TCF4: variants seen among roughly 807,000 people sequenced by gnomAD.
TCF4 encodes transcription factor 4, also known as SL3-3 enhancer factor 2.
A neutral mutation model predicts 82.1 loss-of-function variants in TCF4; 3 were observed. The ratio of observed to expected loss-of-function variants is 0.04; its 90% CI spans 0.02 to 0.09. The LOEUF is 0.09. TCF4 is among the 10% of genes least tolerant of loss of function. TCF4 has a pLI of 1.00. For synonymous variants in TCF4, 276 were observed against 309.6 expected, an observed-to-expected ratio of 0.89 and a Z score of 1.14; for missense variants, 518 against 852.7, an observed-to-expected ratio of 0.61 and a Z score of 4.89.
chr18:55,395,497 C>T (rs193160165), intron 6 of TCF4, among the ~76,000 whole-genome samples: 211 of 152,294 alleles, frequency 1.4e-3, no homozygotes, highest in African/African-American at 4.7e-3. Context: ...ATTTCAATGG[C>T]TTTTTATGCA....
At chr18:55,423,390 GCA>G (rs2094847109) in intron 5 of TCF4, 1 of 148,288 alleles carries the variant, frequency 6.7e-6, no homozygotes, top group African/African-American at 2.5e-5. Context: ...AAAACTCCAC[GCA>G]CACACGCGTG....
chr18:55,244,471 T>C (rs13381800), intron 15 of TCF4, among the ~76,000 whole-genome samples: 35,686 of 152,102 alleles, frequency 0.23, 4,494 homozygotes, highest in East Asian at 0.32. Context: ...AATTATTCAC[T>C]TGAGGGCTGG....
At chr18:55,388,999 G>A (rs748884698) in intron 6 of TCF4, among the ~76,000 whole-genome samples, 9 of 151,886 alleles carry the variant, frequency 5.9e-5, no homozygotes, top group Non-Finnish European at 1.2e-4. Flanking sequence ...GGTGGTGGGC[G>A]CCTGTGGTCC....
At chr18:55,482,558 T>C (rs2096454606) in intron 3 of TCF4, among the ~76,000 whole-genome samples, 1 of 152,184 alleles carries the variant, frequency 6.6e-6, no homozygotes, top group Non-Finnish European at 1.5e-5. Flanking sequence ...ATATTAATAG[T>C]GTACAGTGTA....
intron 3 of TCF4, among the ~76,000 whole-genome samples, chr18:55,576,927 C>T (rs1221331984): frequency 1.3e-5 from 2 of 151,680 alleles, no homozygotes; most frequent in African/African-American, 4.8e-5. Flanking sequence ...GATTCTTCTT[C>T]TTCCAGTGTA....
intron 5 of TCF4, among the ~76,000 whole-genome samples, chr18:55,441,707 T>C (rs577250107): frequency 6.6e-6 from 1 of 152,318 alleles, no homozygotes; most frequent in South Asian, 2.1e-4. Flanking sequence ...AAGTAACATA[T>C]GTATTACATA....
chr18:55,312,850 T>G (rs192755233), intron 8 of TCF4, among the ~76,000 whole-genome samples: 1 of 151,642 alleles, frequency 6.6e-6, no homozygotes, highest in Non-Finnish European at 1.5e-5. Context: ...TTATTTAAGT[T>G]TTTAATACGG....
intron 3 of TCF4, among the ~76,000 whole-genome samples, chr18:55,565,064 G>A (rs926054282): frequency 6.6e-6 from 1 of 152,148 alleles, no homozygotes; most frequent in African/African-American, 2.4e-5. Context: ...ACTAGGAGAG[G>A]AAACTGTGTT....
At chr18:55,622,525 A>G (rs1398359309) in intron 2 of TCF4, among the ~76,000 whole-genome samples, 2 of 150,570 alleles carry the variant, frequency 1.3e-5, no homozygotes, top group Admixed American at 6.6e-5. Flanking sequence ...AAAAAAAAAA[A>G]GTAACTGCTT....
chr18:55,341,866 A>G (rs79926379), intron 8 of TCF4, among the ~76,000 whole-genome samples: 4,236 of 152,274 alleles, frequency 0.028, 106 homozygotes, highest in Non-Finnish European at 0.036. Context: ...GCTACACGGT[A>G]TACTCTTTAA....
At chr18:55,482,200 C>T (rs1302676126) in intron 3 of TCF4, 1 of 152,220 alleles carries the variant, frequency 6.6e-6, no homozygotes, top group Admixed American at 6.5e-5. Context: ...CTCTCATGGT[C>T]ATAGGATTCC....
chr18:55,546,297 C>T (rs1270759246), intron 3 of TCF4, among the ~76,000 whole-genome samples: 1 of 152,044 alleles, frequency 6.6e-6, no homozygotes. Flanking sequence ...TATGATGATG[C>T]CTCTGCACTC....
intron 3 of TCF4, among the ~76,000 whole-genome samples, chr18:55,542,118 A>G (rs1159842703): frequency 6.6e-6 from 1 of 152,006 alleles, no homozygotes; most frequent in African/African-American, 2.4e-5. Flanking sequence ...TAAAACTGTG[A>G]ACACAAAACT....
At chr18:55,526,310 G>A (rs929418827) in intron 3 of TCF4, among the ~76,000 whole-genome samples, 2 of 152,102 alleles carry the variant, frequency 1.3e-5, no homozygotes, top group Non-Finnish European at 2.9e-5. Context: ...TTAATATCCA[G>A]TGCATAACCC....
intron 3 of TCF4, among the ~76,000 whole-genome samples, chr18:55,507,402 C>A (rs1442547554): frequency 6.6e-6 from 1 of 151,978 alleles, no homozygotes. Flanking sequence ...GATTCATGTC[C>A]CGGATGAGAT....
intron 3 of TCF4, among the ~76,000 whole-genome samples, chr18:55,519,367 A>G (rs1212112297): frequency 6.6e-6 from 1 of 150,980 alleles, no homozygotes; most frequent in Non-Finnish European, 1.5e-5. Flanking sequence ...CAGGCAGGTC[A>G]AGGCTGCAGT....
intron 5 of TCF4, among the ~76,000 whole-genome samples, chr18:55,456,750 C>T (rs76239504): frequency 2.2e-3 from 335 of 152,192 alleles, no homozygotes; most frequent in African/African-American, 7.7e-3. Context: ...TGCCAGGATT[C>T]TCAAACTATT....
intron 5 of TCF4, chr18:55,422,355 T>A: frequency 2.0e-6 from 2 of 985,094 alleles, no homozygotes; most frequent in South Asian, 9.4e-5. Context: ...CATGTTTTAC[T>A]ATGTACATTT....
intron 15 of TCF4, among the ~76,000 whole-genome samples, chr18:55,253,134 T>G (rs182937003): frequency 6.6e-6 from 1 of 152,286 alleles, no homozygotes; most frequent in African/African-American, 2.4e-5. Context: ...AAACCAGTAT[T>G]TTTGGTTTCA....
Sources: allele counts gnomAD v4.1 joint callset (sites outside exome capture counted in the v4.1 genomes callset), GRCh38; gene constraint gnomAD v4.1.1; transcripts MANE v1.5; gene names NCBI Gene and HGNC (gene_info 2026-07-23, HGNC 2026-07-21).